Variants in MYH9 observed in about 807,000 individuals in gnomAD.
MYH9 encodes the protein myosin-9.
Under a neutral mutation model 241.9 loss-of-function variants are expected in MYH9, and 29 were observed. That is an observed-to-expected ratio of 0.12 (90% CI 0.09 to 0.16). The LOEUF is 0.16. Ranked by LOEUF, MYH9 falls within the 10% of genes least tolerant of loss-of-function variation. MYH9 has a pLI of 1.00. For synonymous variants in MYH9, 1,047 were observed against 1,062.6 expected (o/e 0.99, Z 0.29); for missense variants, 1,803 against 2,595.5 (o/e 0.69, Z 6.63).
chr22:36,375,086 A>T (rs2018145699), intron 1 of MYH9, among the ~76,000 whole-genome samples: 1 of 152,196 alleles, frequency 6.6e-6, no homozygotes, highest in African/African-American at 2.4e-5. Flanking sequence ...CCTAGCACCC[A>T]GCCAGTGCCT....
At chr22:36,321,928 G>A in intron 6 of MYH9, 107 bp from the exon 7 acceptor site, 1 of 1,030,250 alleles carries the variant, frequency 9.7e-7, no homozygotes, top group Non-Finnish European at 1.5e-6. Context: ...GGCACAGCTT[G>A]GAGGGAGAAA....
At position 36,288,969 on chromosome 22, in the gene MYH9, A is replaced by C; in HGVS notation, c.4558-30T>G. 6.2e-7 allele frequency: 1 copy of C among 1,613,536 alleles called. No individual in the cohort carries two copies. Among genetic ancestry groups the C allele is most frequent in the Non-Finnish European group, 8.5e-7 (1 of 1,180,012 alleles). On this transcript the variant is annotated intron_variant, in intron 32 of 40. Transcript: ENST00000216181. This position sits in a 1 kb window ranked among gnomAD's most constrained non-coding sequence, Gnocchi z 4.8. Reference sequence around the variant, plus strand: ...GCCCCAGAGAGCCCAAGTCAGGAGCAAAGGGACTGGCAGGTACCTGGGTCT... The same window carrying C: ...GCCCCAGAGAGCCCAAGTCAGGAGCCAAGGGACTGGCAGGTACCTGGGTCT...
At position 36,293,543 on chromosome 22, in the gene MYH9, C is replaced by T; in HGVS notation, c.3943-62G>A. ...GGGTGGTGTCCAAAACCCAGGAACC[C>T]CACACCCTTGAGGAGAGGGAGGAGC... is the stretch of plus-strand genomic sequence containing the variant. On this transcript the variant is annotated intron_variant, in intron 29 of 40. Coordinates refer to ENST00000216181, the MANE Select transcript of MYH9 (RefSeq NM_002473.6). The surrounding 1 kb of genome is among the most constrained non-coding windows in gnomAD (Gnocchi z 5.1). The T allele has an allele frequency of 6.3e-7, 1 of 1,599,790 alleles. No individual in the cohort carries two copies.
intron 3 of MYH9, among the ~76,000 whole-genome samples, chr22:36,337,252 C>T (rs1748696088): frequency 6.6e-6 from 1 of 152,124 alleles, no homozygotes; most frequent in South Asian, 2.1e-4. Flanking sequence ...GAATAGAGGC[C>T]ACGATGCTGC....
At chr22:36,377,145 C>T (rs1334064256) in intron 1 of MYH9, among the ~76,000 whole-genome samples, 1 of 152,022 alleles carries the variant, frequency 6.6e-6, no homozygotes, top group Non-Finnish European at 1.5e-5. Flanking sequence ...GTCCCAAACA[C>T]GGAGTTACAG....
In MYH9 at chr22:36,295,825, G is replaced by T; in HGVS notation, c.3273-108C>A. 1 of 1,028,832 alleles carries T rather than the reference G, an allele frequency of 9.7e-7. No individual in the cohort carries two copies. Among genetic ancestry groups the T allele is most frequent in the Non-Finnish European group, 1.5e-6 (1 of 682,842 alleles). The allele number at this position is 1,028,832 out of a possible 1,614,324, so 63.7% of individuals were successfully genotyped here. A position where few individuals can be genotyped will look rare whatever the true frequency, so the allele number is the denominator to read the frequency against. ...GCAGCAGCCAAAGCTGCCTCCTGTG[G>T]TCACAATCATGGCACTTAGGATGGC... is the stretch of plus-strand genomic sequence containing the variant. On this transcript the variant is annotated intron_variant, in intron 25 of 40. Transcript: ENST00000216181. The surrounding 1 kb of genome is among the most constrained non-coding windows in gnomAD (Gnocchi z 4.1).
chr22:36,285,095 G>C lies in MYH9; in HGVS notation c.5483+26C>G. 1 of 1,610,084 alleles carries C rather than the reference G, an allele frequency of 6.2e-7. No homozygotes were observed. The highest frequency in any genetic ancestry group is 2.2e-5 in the East Asian group (1 of 44,852). On this transcript the variant is annotated intron_variant, in intron 38 of 40. Transcript: ENST00000216181. This position sits in a 1 kb window ranked among gnomAD's most constrained non-coding sequence, Gnocchi z 7.0. ...CCAGAGTTTTTTCCAGGACAGCTGGGGTTGGGCGGGGCCAGGGGCACGTAC... is the reference window on the plus strand; with the variant it reads ...CCAGAGTTTTTTCCAGGACAGCTGGCGTTGGGCGGGGCCAGGGGCACGTAC...
rs2146354582 is a variant in MYH9, at chr22:36,312,212, G to A, written c.1565C>T (p.Pro522Leu). The A allele has an allele frequency of 6.2e-7, 1 of 1,613,930 alleles. No homozygotes were observed. Among genetic ancestry groups the A allele is most frequent in the Non-Finnish European group, 8.5e-7 (1 of 1,179,954 alleles). The part of the protein sequence containing the change: ...IDLIEKPAGP[P>L]GILALLDEEC... ...CTCGTCCAGCAGGGCCAGAATGCCCGGGGGGCCTGCCTGGAGGAAGCGCAG... is the reference window on the plus strand; with the variant it reads ...CTCGTCCAGCAGGGCCAGAATGCCCAGGGGGCCTGCCTGGAGGAAGCGCAG... The change falls in exon 14 of 41, where the codon CCG becomes CTG. Residue 522 changes from proline to leucine, a missense_variant. By Grantham distance (98) the Pro-to-Leu change is moderately conservative. Around this residue, in one of 11 missense-constraint regions of MYH9, gnomAD observed 163 missense variants for 349.7 expected, o/e 0.47. Transcript: ENST00000216181.
chr22:36,362,075 A>G (rs2017944112), intron 1 of MYH9, among the ~76,000 whole-genome samples: 1 of 151,772 alleles, frequency 6.6e-6, no homozygotes, highest in Admixed American at 6.6e-5. Flanking sequence ...CCTCAAAAAT[A>G]AAAAAAACAG....
At chr22:36,347,563 G>A (rs2017696128) in intron 2 of MYH9, among the ~76,000 whole-genome samples, 1 of 151,684 alleles carries the variant, frequency 6.6e-6, no homozygotes. Flanking sequence ...ATGAGACCCT[G>A]TCTCTAATAA....
chr22:36,283,149 G>A (rs1490033932), intron 40 of MYH9, among the ~76,000 whole-genome samples: 3 of 152,186 alleles, frequency 2.0e-5, no homozygotes, highest in Admixed American at 6.5e-5. Flanking sequence ...GTAAACAGGT[G>A]TGCCTGTTCA....
chr22:36,349,151 T>C lies in MYH9; in HGVS notation c.86A>G (p.Lys29Arg). 6.2e-7 allele frequency: 1 copy of C among 1,614,178 alleles called. No individual in the cohort carries two copies. Among genetic ancestry groups the C allele is most frequent in the Non-Finnish European group, 8.5e-7 (1 of 1,179,972 alleles). The change falls in exon 2 of 41, where the codon AAG becomes AGG. Residue 29 changes from lysine (K) to arginine (R), a missense_variant. This residue lies in a region of MYH9 where 75 missense variants were observed against 79.1 expected (regional missense o/e 0.95). Transcript: ENST00000216181. ...GTCGGAAGGCACCCATACCAGCTTCTTGGCAGCCCAGTCGGCCTGGGCCAG... is the reference window on the plus strand; with the variant it reads ...GTCGGAAGGCACCCATACCAGCTTCCTGGCAGCCCAGTCGGCCTGGGCCAG... ...NPLAQADWAAKKLVWVPSDKS... is the reference protein window; with the variant it reads ...NPLAQADWAARKLVWVPSDKS...
intron 13 of MYH9, among the ~76,000 whole-genome samples, chr22:36,313,653 G>C (rs1279282757): frequency 9.2e-6 from 1 of 108,420 alleles, no homozygotes; most frequent in Non-Finnish European, 2.5e-5. Context: ...AAGCACTGCT[G>C]CTTGCTGGTT....
At chr22:36,338,005 T>C (rs1398228134) in intron 3 of MYH9, among the ~76,000 whole-genome samples, 1 of 152,000 alleles carries the variant, frequency 6.6e-6, no homozygotes, top group Non-Finnish European at 1.5e-5. Context: ...TTCTTTTTTT[T>C]TTTTTTAATT....
At chr22:36,328,438 C>G (rs951556880) in intron 3 of MYH9, among the ~76,000 whole-genome samples, 1 of 152,184 alleles carries the variant, frequency 6.6e-6, no homozygotes, top group African/African-American at 2.4e-5. Flanking sequence ...CATCTAATAG[C>G]CTCACCGTCC....
chr22:36,323,331 CCCTAA>C (rs1439609616), intron 5 of MYH9, among the ~76,000 whole-genome samples: 1 of 152,252 alleles, frequency 6.6e-6, no homozygotes, highest in African/African-American at 2.4e-5. Flanking sequence ...CCAGTCCCCT[CCCTAA>C]CCTGTCAGCC....
chr22:36,311,993 C>G (rs947866368), intron 14 of MYH9, 56 bp downstream of exon 14: 2 of 1,600,642 alleles, frequency 1.2e-6, no homozygotes, highest in African/African-American at 1.3e-5. Context: ...TAGAGAGCCT[C>G]GACTCCACCT....
At chr22:36,287,124 T>C (rs574845502) in intron 34 of MYH9, among the ~76,000 whole-genome samples, 1 of 152,294 alleles carries the variant, frequency 6.6e-6, no homozygotes, top group African/African-American at 2.4e-5. Flanking sequence ...CGGAAGCCAG[T>C]GCCCATGGTG....
rs5750250 is a variant in MYH9, at chr22:36,312,438, G to A, written c.1555-216C>T. ...TGACACCTTTACCCAAGGATCCATCGCGGTGGTTCTCCAGCATTAGTGAAA... is the reference window on the plus strand; with the variant it reads ...TGACACCTTTACCCAAGGATCCATCACGGTGGTTCTCCAGCATTAGTGAAA... On this transcript the variant is annotated intron_variant, in intron 13 of 40. Transcript: ENST00000216181. Among the ~76,000 whole-genome samples the A allele has an allele frequency of 0.82, 124,737 of 152,088 alleles. 54,735 individuals carry two copies. Among genetic ancestry groups the A allele is most frequent in the East Asian group, 1 (5,161 of 5,166 alleles).
Sources: gnomAD v4.1 joint callset for allele counts (sites outside exome capture counted in the v4.1 genomes callset) on GRCh38, gnomAD v4.1.1 for gene constraint, gnomAD v4.1.1 regional missense constraint, Gnocchi (gnomAD v3.1) non-coding constraint, MANE v1.5 for transcripts, NCBI Gene and HGNC (gene_info 2026-07-23, HGNC 2026-07-21) for gene names.